SH3RF3: variants seen among roughly 807,000 people sequenced by gnomAD.
SH3RF3 encodes the protein E3 ubiquitin-protein ligase SH3RF3.
SH3RF3 carries 29 observed loss-of-function variants against 66.3 expected under a neutral mutation model. The ratio of observed to expected loss-of-function variants is 0.44; its 90% confidence interval spans 0.33 to 0.60. The LOEUF (loss-of-function observed/expected upper bound fraction) is 0.60, where lower values mean the gene tolerates loss of function less well. Ranked by LOEUF, SH3RF3 falls within the 20% of genes least tolerant of loss-of-function variation. The pLI, the probability that SH3RF3 is intolerant of heterozygous loss-of-function variation, is 0.04. For missense variants in SH3RF3, 1,194 were observed against 1,190.9 expected (o/e 1.00, Z -0.04); for synonymous variants, 583 against 532.0 (o/e 1.10, Z -1.32).
At chr2:109,170,470 TG>T (rs1677751789) in intron 1 of SH3RF3, among the ~76,000 whole-genome samples, 1 of 151,936 alleles carries the variant, frequency 6.6e-6, no homozygotes, top group Admixed American at 6.6e-5. Flanking sequence ...CTCAGCCTCC[TG>T]AGTAGCTGGG....
chr2:109,250,975 C>CTT (rs953824330), intron 1 of SH3RF3, among the ~76,000 whole-genome samples: 2 of 149,694 alleles, frequency 1.3e-5, no homozygotes, highest in African/African-American at 4.9e-5. Context: ...TTCTGTATAG[C>CTT]TTTTTTTTTC....
At chr2:109,393,568 GAA>G (rs1430195174) in intron 3 of SH3RF3, among the ~76,000 whole-genome samples, 3 of 152,116 alleles carry the variant, frequency 2.0e-5, no homozygotes, top group South Asian at 2.1e-4. Context: ...GTGCATCCAT[GAA>G]AAGAGTCATG....
chr2:109,281,099 C>T (rs912508620), intron 1 of SH3RF3, among the ~76,000 whole-genome samples: 1 of 152,190 alleles, frequency 6.6e-6, no homozygotes, highest in African/African-American at 2.4e-5. Context: ...ACTTACTGCA[C>T]ACCCTGAGAG....
At chr2:109,193,705 A>C (rs1390766027) in intron 1 of SH3RF3, among the ~76,000 whole-genome samples, 1 of 152,218 alleles carries the variant, frequency 6.6e-6, no homozygotes, top group Admixed American at 6.5e-5. Context: ...TAGAAAGATC[A>C]GTATGTAGTA....
chr2:109,306,177 A>G (rs1014821648), intron 1 of SH3RF3, among the ~76,000 whole-genome samples: 2 of 152,214 alleles, frequency 1.3e-5, no homozygotes, highest in Non-Finnish European at 2.9e-5. Flanking sequence ...AAAATCCACT[A>G]AAATGGTCAG....
At chr2:109,172,368 G>A (rs779116232) in intron 1 of SH3RF3, among the ~76,000 whole-genome samples, 5 of 152,200 alleles carry the variant, frequency 3.3e-5, no homozygotes, top group Admixed American at 6.5e-5. Flanking sequence ...CACCATGCAC[G>A]GAGCTCAGCC....
intron 8 of SH3RF3, among the ~76,000 whole-genome samples, chr2:109,451,835 G>A (rs992149921): frequency 6.6e-6 from 1 of 152,270 alleles, no homozygotes; most frequent in Non-Finnish European, 1.5e-5. Flanking sequence ...CCGAGCCTCT[G>A]TGGGCAGCAG....
Position 109,163,179 on chromosome 2 carries a change from C to T in SH3RF3, c.573+33066C>T, listed in dbSNP as rs578250001. 2.1e-4 allele frequency among the ~76,000 whole-genome samples: 32 copies of T among 152,290 alleles called. No homozygotes were observed. In the South Asian group the frequency reaches 3.7e-3, roughly 18 times the overall value. ...AGAGTCTGAGAACTGAGCTCACCCC[C>T]GAGGCGGGAATAGGAACTCGCGGGC... On this transcript the variant is annotated intron_variant, in intron 1 of 9. Coordinates refer to ENST00000309415, the MANE Select transcript of SH3RF3 (RefSeq NM_001099289.3).
chr2:109,231,725 A>G (rs938151046), intron 1 of SH3RF3, among the ~76,000 whole-genome samples: 22 of 152,222 alleles, frequency 1.4e-4, no homozygotes, highest in Non-Finnish European at 2.9e-5. Context: ...CTTACCGTGC[A>G]TGCTAAAAGA....
chr2:109,221,444 G>A (rs1232825187), intron 1 of SH3RF3, among the ~76,000 whole-genome samples: 1 of 152,144 alleles, frequency 6.6e-6, no homozygotes, highest in Non-Finnish European at 1.5e-5. Flanking sequence ...TTAGCCAAGT[G>A]TGGTGGTGCA....
chr2:109,443,002 G>A (rs915693594), intron 7 of SH3RF3, among the ~76,000 whole-genome samples: 1 of 152,154 alleles, frequency 6.6e-6, no homozygotes, highest in Non-Finnish European at 1.5e-5. Context: ...ACATAAATAA[G>A]CTAAAAGTGA....
chr2:109,361,536 C>T (rs973955393), intron 2 of SH3RF3, among the ~76,000 whole-genome samples: 6 of 152,096 alleles, frequency 3.9e-5, no homozygotes, highest in East Asian at 1.9e-4. Context: ...TGCAGTGGCG[C>T]GATCTTGGCT....
chr2:109,363,107 A>T (rs1683081631), intron 2 of SH3RF3, among the ~76,000 whole-genome samples: 1 of 151,950 alleles, frequency 6.6e-6, no homozygotes, highest in Admixed American at 6.6e-5. Context: ...TTATTTTATT[A>T]TATTTGTTGC....
At chr2:109,387,056 A>G (rs1009702880) in intron 3 of SH3RF3, among the ~76,000 whole-genome samples, 7 of 152,202 alleles carry the variant, frequency 4.6e-5, no homozygotes, top group Admixed American at 1.3e-4. Flanking sequence ...ATCACCCATA[A>G]TCCTACCAGT....
At chr2:109,281,684 G>T (rs1285891637) in intron 1 of SH3RF3, among the ~76,000 whole-genome samples, 8 of 152,146 alleles carry the variant, frequency 5.3e-5, no homozygotes, top group African/African-American at 1.9e-4. Context: ...ACAGTTCTTA[G>T]ATTCAGGGTA....
intron 7 of SH3RF3, among the ~76,000 whole-genome samples, chr2:109,446,100 G>C (rs1011452527): frequency 2.0e-5 from 3 of 152,150 alleles, no homozygotes; most frequent in Non-Finnish European, 4.4e-5. Context: ...GTCCCAGCCA[G>C]CTCGGGGTTG....
chr2:109,166,459 G>GAAAAAAA (rs386390872), intron 1 of SH3RF3, among the ~76,000 whole-genome samples: 29 of 134,032 alleles, frequency 2.2e-4, no homozygotes, highest in Admixed American at 3.0e-4. Context: ...CCTGGTGACA[G>GAAAAAAA]AAAAAAAAAA....
intron 2 of SH3RF3, among the ~76,000 whole-genome samples, chr2:109,351,396 A>G (rs921327817): frequency 6.6e-6 from 1 of 152,238 alleles, no homozygotes; most frequent in Admixed American, 6.5e-5. Flanking sequence ...ACCACATGAT[A>G]TAAATAAATT....
At chr2:109,383,463 G>A (rs1199559315) in intron 3 of SH3RF3, among the ~76,000 whole-genome samples, 1 of 152,164 alleles carries the variant, frequency 6.6e-6, no homozygotes, top group Non-Finnish European at 1.5e-5. Context: ...TGGGCCAGTT[G>A]GAATCATTCT....
Sources: gnomAD v4.1 joint callset for allele counts (sites outside exome capture counted in the v4.1 genomes callset) on GRCh38, gnomAD v4.1.1 for gene constraint, MANE v1.5 for transcripts, NCBI Gene and HGNC (gene_info 2026-07-23, HGNC 2026-07-21) for gene names.